ZNF782: variants seen among roughly 807,000 people sequenced by gnomAD.
The protein encoded by ZNF782 is zinc finger protein 782.
A neutral mutation model predicts 13.0 loss-of-function variants in ZNF782; 12 were observed. That is an observed-to-expected ratio of 0.92 (90% CI 0.59 to 1.50). The LOEUF (loss-of-function observed/expected upper bound fraction) is 1.50, where lower values mean the gene tolerates loss of function less well. Ranked by LOEUF, ZNF782 falls within the 40% of genes most tolerant of loss-of-function variation. The pLI is 0.00. For missense variants in ZNF782, 770 were observed against 822.9 expected (o/e 0.94, Z 0.79); for synonymous variants, 284 against 283.0 (o/e 1.00, Z -0.04).
chr9:96,854,452 C>T lies in ZNF782; in HGVS notation c.-626G>A, dbSNP rs1224108642. The T allele has an allele frequency of 2.0e-5, 3 of 152,304 alleles. No individual in the cohort carries two copies. Among genetic ancestry groups the T allele is most frequent in the Admixed American group, 2.0e-4 (3 of 15,290 alleles). 9.4% of individuals were successfully genotyped at this position (152,304 alleles called of 1,614,324 possible). A position where few individuals can be genotyped will look rare whatever the true frequency, so the allele number is the denominator to read the frequency against. ...GCGCCCCCTCTACTTTCCGAGCCGA[C>T]CCCCGAGCTTCCCAAACCGCTTCCC... On this transcript the variant is annotated 5_prime_UTR_variant, in exon 1 of 6. Transcript: ENST00000481138.
intron 3 of ZNF782, among the ~76,000 whole-genome samples, chr9:96,846,101 T>C (rs1851333076): frequency 6.6e-6 from 1 of 152,164 alleles, no homozygotes; most frequent in Admixed American, 6.5e-5. Context: ...CCAGCAAAAC[T>C]AAGTTTCATC....
intron 4 of ZNF782, among the ~76,000 whole-genome samples, chr9:96,836,169 A>G (rs1183363708): frequency 6.6e-6 from 1 of 152,026 alleles, no homozygotes; most frequent in Non-Finnish European, 1.5e-5. Flanking sequence ...GCTGGGTTTC[A>G]GACCTTATGC....
At chr9:96,847,760 C>T (rs189441174) in intron 3 of ZNF782, among the ~76,000 whole-genome samples, 29 of 152,212 alleles carry the variant, frequency 1.9e-4, no homozygotes, top group Admixed American at 1.2e-3. Flanking sequence ...AGAACTGGTC[C>T]CAATCCTGCA....
chr9:96,852,746 A>G (rs941247175), intron 2 of ZNF782, 107 bp downstream of exon 2: 2 of 152,660 alleles, frequency 1.3e-5, no homozygotes, highest in Non-Finnish European at 2.9e-5. Flanking sequence ...AATCCACAGA[A>G]AGTCTTATAA....
chr9:96,905,336 G>A, the ZNF782 span, among the ~76,000 whole-genome samples: 1 of 150,300 alleles, frequency 6.7e-6, no homozygotes, highest in Non-Finnish European at 1.5e-5. Flanking sequence ...AGCATGCTAA[G>A]AGACACTCCC....
intron 3 of ZNF782, among the ~76,000 whole-genome samples, chr9:96,851,391 T>C (rs1187072283): frequency 3.3e-5 from 5 of 152,106 alleles, no homozygotes; most frequent in Admixed American, 6.5e-5. Context: ...AATCTACATA[T>C]AACACAATGT....
At chr9:96,821,871 A>G (rs1421014973) in intron 5 of ZNF782, among the ~76,000 whole-genome samples, 4 of 152,046 alleles carry the variant, frequency 2.6e-5, no homozygotes, top group Non-Finnish European at 4.4e-5. Context: ...TCACCATGTT[A>G]GCCAGGATGG....
chr9:96,933,785 T>G, the ZNF782 span: 2 of 153,122 alleles, frequency 1.3e-5, no homozygotes, highest in Non-Finnish European at 2.9e-5. Context: ...AGCAGAAACC[T>G]GGCACACACC....
rs1203737128 is a variant in ZNF782 at position 96,817,955 on chromosome 9, T to C, written c.2068A>G (p.Arg690Gly). Residue 690 changes from arginine (R) to glycine (G), a missense_variant, in exon 6 of 6, where the codon AGA becomes GGA. Transcript: ENST00000481138. The part of the protein sequence containing the change: ...GRTFSQKSSL[R>G]EHQKAHPGD ...CCTGGGTGGGCTTTCTGATGTTCTC[T>C]AAGGCTTGATTTTTGACTGAAAGTT... The C allele has an allele frequency of 5.6e-6, 9 of 1,598,962 alleles. No individual in the cohort carries two copies. In the African/African-American group the frequency reaches 8.1e-5, roughly 14 times the overall value.
chr9:96,906,812 T>C, the ZNF782 span, among the ~76,000 whole-genome samples: 12 of 152,400 alleles, frequency 7.9e-5, no homozygotes, highest in South Asian at 2.5e-3. Context: ...CTTTTTCCTC[T>C]CTAAAGGATG....
intron 4 of ZNF782, among the ~76,000 whole-genome samples, chr9:96,842,442 T>A (rs1472553674): frequency 2.0e-5 from 3 of 152,024 alleles, no homozygotes; most frequent in Non-Finnish European, 4.4e-5. Flanking sequence ...TACAGCCAAC[T>A]GATTTTTGAC....
Position 96,817,266 on chromosome 9 carries a change from G to C in ZNF782, c.*657C>G, listed in dbSNP as rs1315975296. On this transcript the variant is annotated 3_prime_UTR_variant, in exon 6 of 6. Transcript: ENST00000481138. The stretch of plus-strand genomic sequence containing the variant: ...ACAATATGACCCCGTTTAGATGAGA[G>C]AGTGGTTGAGAAATTTAGGCCAGGT... 1 of 152,262 alleles carries C rather than the reference G, an allele frequency of 6.6e-6. No individual in the cohort carries two copies. The highest frequency in any genetic ancestry group is 1.9e-4 in the East Asian group (1 of 5,200). 9.4% of individuals were successfully genotyped at this position (152,262 alleles called of 1,614,324 possible).
chr9:96,829,175 G>T (rs1379801618), intron 4 of ZNF782, among the ~76,000 whole-genome samples: 1 of 150,110 alleles, frequency 6.7e-6, no homozygotes. Flanking sequence ...AAGAAAAATG[G>T]TACTATGAAA....
chr9:96,863,602 A>G lies in ZNF782; in HGVS notation c.-456-1999T>C, dbSNP rs188666589. 1.1e-4 allele frequency among the ~76,000 whole-genome samples: 16 copies of G among 152,368 alleles called. No homozygotes were observed. The East Asian group carries it at 3.1e-3, about 29-fold the overall frequency. On this transcript the variant is annotated intron_variant, in intron 1 of 5. Coordinates refer to the ZNF782 transcript ENST00000498811. ...ACAATTTGCAATTGCAAAAATATGG[A>G]GTCAGCCTAAATGCCCATCAATTAA...
At chr9:96,876,299 T>C (rs76417930), upstream of ZNF782, among the ~76,000 whole-genome samples, 4 of 152,350 alleles carry the variant, frequency 2.6e-5, no homozygotes, top group African/African-American at 4.8e-5. Flanking sequence ...GCATTTAACA[T>C]TGAAAGGATA....
At chr9:96,914,304 T>C in the ZNF782 span, among the ~76,000 whole-genome samples, 4 of 150,938 alleles carry the variant, frequency 2.7e-5, no homozygotes, top group Non-Finnish European at 5.9e-5. Context: ...GTATTTTTAG[T>C]AGAGACGGGG....
At chr9:96,825,301 G>C (rs1051299654) in intron 5 of ZNF782, among the ~76,000 whole-genome samples, 22 of 147,648 alleles carry the variant, frequency 1.5e-4, no homozygotes, top group Admixed American at 1.1e-3. Flanking sequence ...AACAAGCAAT[G>C]GGGAAAGGAT....
chr9:96,841,740 T>C (rs905935162), intron 4 of ZNF782, among the ~76,000 whole-genome samples: 1 of 151,920 alleles, frequency 6.6e-6, no homozygotes, highest in African/African-American at 2.4e-5. Context: ...TGATGAAGAA[T>C]ATCTACAAAA....
At chr9:96,914,048 T>C in the ZNF782 span, among the ~76,000 whole-genome samples, 1 of 151,664 alleles carries the variant, frequency 6.6e-6, no homozygotes, top group Non-Finnish European at 1.5e-5. Flanking sequence ...GCTCTGATGA[T>C]AAGCTGGTGA....
Sources: allele counts gnomAD v4.1 joint callset (sites outside exome capture counted in the v4.1 genomes callset), GRCh38; gene constraint gnomAD v4.1.1; transcripts MANE v1.5; gene names NCBI Gene and HGNC (gene_info 2026-07-23, HGNC 2026-07-21).